ABCB1: variants seen among roughly 807,000 people sequenced by gnomAD.
The protein encoded by ABCB1 is ATP binding cassette subfamily B member 1.
A neutral mutation model predicts 142.0 loss-of-function variants in ABCB1; 69 were observed. The ratio of observed to expected loss-of-function variants is 0.49; its 90% confidence interval spans 0.40 to 0.59. The LOEUF (loss-of-function observed/expected upper bound fraction) is 0.59. ABCB1 is among the 20% of genes least tolerant of loss of function. ABCB1 has a pLI of 0.00. For synonymous variants in ABCB1, 532 were observed against 539.2 expected (o/e 0.99, Z 0.18); for missense variants, 1,326 against 1,554.7 (o/e 0.85, Z 2.47).
intron 1 of ABCB1, among the ~76,000 whole-genome samples, chr7:87,634,897 G>A (rs1242057476): frequency 3.3e-5 from 5 of 152,078 alleles, no homozygotes; most frequent in East Asian, 3.9e-4. Context: ...TAGTAGATGC[G>A]CACAATGGAG....
chr7:87,509,201 C>A, intron 26 of ABCB1, 74 bp downstream of exon 26: 2 of 1,484,182 alleles, frequency 1.3e-6, no homozygotes, highest in Non-Finnish European at 1.9e-6. Flanking sequence ...GGGAGACCAG[C>A]CCCTTATAAA....
chr7:87,550,124 T>A (rs758836459), intron 12 of ABCB1, 47 bp downstream of exon 12: 9 of 1,614,138 alleles, frequency 5.6e-6, no homozygotes, highest in Non-Finnish European at 5.9e-6. Context: ...AGATGTGCAA[T>A]GTGACTGCTG....
chr7:87,674,307 G>A (rs1826111419), intron 1 of ABCB1, among the ~76,000 whole-genome samples: 1 of 152,084 alleles, frequency 6.6e-6, no homozygotes, highest in African/African-American at 2.4e-5. Context: ...AGGGGTGGGG[G>A]TACTGGCATC....
intron 1 of ABCB1, among the ~76,000 whole-genome samples, chr7:87,635,124 A>T (rs1821631087): frequency 6.6e-6 from 1 of 152,136 alleles, no homozygotes; most frequent in African/African-American, 2.4e-5. Context: ...TCAAGGGGGA[A>T]TGTTTGAAGC....
intron 25 of ABCB1, among the ~76,000 whole-genome samples, chr7:87,510,614 G>C (rs1295179121): frequency 6.6e-6 from 1 of 152,226 alleles, no homozygotes; most frequent in Non-Finnish European, 1.5e-5. Context: ...TGACTAGTGC[G>C]TGCTGAGCCA....
chr7:87,530,431 A>G (rs1815984634), intron 21 of ABCB1, among the ~76,000 whole-genome samples: 1 of 152,154 alleles, frequency 6.6e-6, no homozygotes, highest in East Asian at 1.9e-4. Flanking sequence ...GTCCAGAGCC[A>G]TGACCTGCCT....
chr7:87,629,043 C>A, intron 1 of ABCB1: 1 of 1,113,604 alleles, frequency 9.0e-7, no homozygotes, highest in Non-Finnish European at 1.2e-6. Flanking sequence ...TGATGGGCTG[C>A]CGCCCAGTGC....
intron 1 of ABCB1, among the ~76,000 whole-genome samples, chr7:87,643,095 C>T (rs1196766920): frequency 1.3e-5 from 2 of 152,032 alleles, no homozygotes; most frequent in Non-Finnish European, 2.9e-5. Context: ...TTTTACATTT[C>T]CTTATAGAGA....
Position 87,509,445 on chromosome 7 carries a change from G to C in ABCB1, c.3319C>G (p.Gln1107Glu), listed in dbSNP as rs774748307. The C allele has an allele frequency of 6.2e-7, 1 of 1,614,166 alleles. No homozygotes were observed. Among genetic ancestry groups the C allele is most frequent in the East Asian group, 2.2e-5 (1 of 44,882 alleles). The change falls in exon 26 of 28, where the codon CAG (glutamine) becomes GAG (glutamate). Residue 1107 changes from glutamine (Q) to glutamate (E), a missense_variant. By Grantham distance (29) the Gln-to-Glu change is conservative (BLOSUM62 2). Transcript: ENST00000622132. ...ATGCCCAGGTGTGCTCGGAGCCACT[G>C]AACATTCAGTCGCTTTATTTCTTTG... The part of the protein sequence containing the change: ...DGKEIKRLNV[Q>E]WLRAHLGIVS...
At chr7:87,703,915 T>TTTG in intron 1 of ABCB1, among the ~76,000 whole-genome samples, 1 of 18,544 alleles carries the variant, frequency 5.4e-5, no homozygotes, top group South Asian at 2.2e-3. Flanking sequence ...TTTTTTTTGG[T>TTTG]TTTTTTTTTT....
intron 1 of ABCB1, among the ~76,000 whole-genome samples, chr7:87,690,938 G>A (rs542428088): frequency 6.6e-6 from 1 of 152,144 alleles, no homozygotes; most frequent in East Asian, 1.9e-4. Flanking sequence ...TATATGCAGA[G>A]AGAGAGAGAG....
chr7:87,534,931 A>AAAAAC (rs1435185906), intron 20 of ABCB1, among the ~76,000 whole-genome samples: 5 of 142,218 alleles, frequency 3.5e-5, no homozygotes, highest in African/African-American at 1.3e-4. Context: ...AAAAAAAAAA[A>AAAAAC]AAAAAAAAAC....
intron 1 of ABCB1, among the ~76,000 whole-genome samples, chr7:87,629,908 G>C (rs28381769): frequency 0.013 from 1,888 of 149,812 alleles, 39 homozygotes; most frequent in African/African-American, 0.045. Flanking sequence ...GGACCACAGG[G>C]GGAGACTTCG....
At chr7:87,563,678 A>C (rs901478233) in intron 7 of ABCB1, among the ~76,000 whole-genome samples, 27 of 152,216 alleles carry the variant, frequency 1.8e-4, no homozygotes, top group Middle Eastern at 3.2e-3. Context: ...TCTATGACAA[A>C]CTTACAGCTA....
In ABCB1 at chr7:87,628,549, G is replaced by C. The variant is rs368628950; in HGVS notation, c.-330-27471C>G. On this transcript the variant is annotated intron_variant, in intron 1 of 28. Transcript: ENST00000265724. The stretch of plus-strand genomic sequence containing the variant: ...GACCCGCAGGCGCAGCCCGGCAGTC[G>C]GCGGCGCGCCGAGGGCGGAGGTGGT... The C allele has an allele frequency of 1.1e-3, 345 of 309,214 alleles. 3 individuals carry two copies. In the East Asian group the frequency reaches 0.015, roughly 13 times the overall value. 19.2% of individuals were successfully genotyped at this position (309,214 alleles called of 1,614,324 possible).
At chr7:87,523,534 A>T (rs1474959003) in intron 21 of ABCB1, among the ~76,000 whole-genome samples, 1 of 152,178 alleles carries the variant, frequency 6.6e-6, no homozygotes, top group Admixed American at 6.5e-5. Context: ...AGGCAGAGGA[A>T]GCGCTCGAAC....
intron 1 of ABCB1, among the ~76,000 whole-genome samples, chr7:87,630,604 TG>T (rs959962404): frequency 6.6e-6 from 1 of 151,886 alleles, no homozygotes; most frequent in Non-Finnish European, 1.5e-5. Context: ...CAGTGCTTCT[TG>T]GGGGGTAACA....
At chr7:87,664,653 A>G (rs1227374419) in intron 1 of ABCB1, among the ~76,000 whole-genome samples, 1 of 152,178 alleles carries the variant, frequency 6.6e-6, no homozygotes, top group Non-Finnish European at 1.5e-5. Flanking sequence ...AATGGAGATG[A>G]TAGAGGTGCG....
chr7:87,555,843 A>C (rs1265376086), intron 8 of ABCB1, among the ~76,000 whole-genome samples: 1 of 152,216 alleles, frequency 6.6e-6, no homozygotes, highest in Non-Finnish European at 1.5e-5. Context: ...CATTTAATAC[A>C]TATGTACTAT....
Sources: allele counts gnomAD v4.1 joint callset (sites outside exome capture counted in the v4.1 genomes callset), GRCh38; gene constraint gnomAD v4.1.1; transcripts MANE v1.5; gene names NCBI Gene and HGNC (gene_info 2026-07-23, HGNC 2026-07-21).